MTDH: variants seen among roughly 807,000 people sequenced by gnomAD.
The protein encoded by MTDH is metadherin, also known as protein LYRIC.
A neutral mutation model predicts 72.7 loss-of-function variants in MTDH; 34 were observed. That is an observed-to-expected ratio of 0.47 (90% confidence interval 0.36 to 0.62). The LOEUF (loss-of-function observed/expected upper bound fraction) is 0.62, where lower values mean the gene tolerates loss of function less well. Ranked by LOEUF, MTDH falls within the 20% of genes least tolerant of loss-of-function variation. MTDH has a pLI of 0.00. For missense variants in MTDH, 677 were observed against 699.4 expected, an observed-to-expected ratio of 0.97 and a Z score of 0.36; for synonymous variants, 266 against 268.9, an observed-to-expected ratio of 0.99 and a Z score of 0.10.
chr8:97,678,875 T>TTAA (rs1454487873), intron 2 of MTDH, among the ~76,000 whole-genome samples: 3 of 152,186 alleles, frequency 2.0e-5, no homozygotes, highest in Non-Finnish European at 4.4e-5. Flanking sequence ...GAAAGCTTAC[T>TTAA]TAACAAGATG....
intron 5 of MTDH, among the ~76,000 whole-genome samples, chr8:97,690,596 A>G (rs1813560159): frequency 6.6e-6 from 1 of 151,948 alleles, no homozygotes; most frequent in South Asian, 2.1e-4. Flanking sequence ...TTTAATGTGC[A>G]GCCAGGTTTT....
chr8:97,726,462 G>T lies in MTDH; in HGVS notation c.*1792G>T, dbSNP rs1386978698. 1 of 152,220 alleles carries T rather than the reference G, an allele frequency of 6.6e-6. No individual in the cohort carries two copies. Among genetic ancestry groups the T allele is most frequent in the Non-Finnish European group, 1.5e-5 (1 of 68,036 alleles). The allele number at this position is 152,220 out of a possible 1,614,324, so 9.4% of individuals were successfully genotyped here. A position where few individuals can be genotyped will look rare whatever the true frequency, so the allele number is the denominator to read the frequency against. The stretch of plus-strand genomic sequence containing the variant: ...CAGCATTTTGTAAAGGTACCACAAA[G>T]GAGAAGTTGATAGGGAATCTAATTT... On this transcript the variant is annotated 3_prime_UTR_variant, in exon 12 of 12. Coordinates refer to ENST00000336273, the MANE Select transcript of MTDH (RefSeq NM_178812.4).
rs34089678 is a variant in MTDH, at chr8:97,710,534, C to CA, written c.1273-3115dup. Reference sequence around the variant, plus strand: ...GTGAACCCCGTCTCTACTAAAAATACAAAAAAAAAAAAATTTAGCTGGATG... The same window carrying CA: ...GTGAACCCCGTCTCTACTAAAAATACAAAAAAAAAAAAAATTTAGCTGGATG... On this transcript the variant is annotated intron_variant, in intron 8 of 11. Coordinates refer to ENST00000336273, the MANE Select transcript of MTDH (RefSeq NM_178812.4). 5.7e-3 allele frequency among the ~76,000 whole-genome samples: 803 copies of CA among 141,870 alleles called. 13 individuals carry two copies. The highest frequency in any genetic ancestry group is 7.6e-3 in the Non-Finnish European group (491 of 64,310). The allele number at this position is 141,870 out of a possible 152,430, so 93.1% of individuals were successfully genotyped here.
intron 2 of MTDH, among the ~76,000 whole-genome samples, chr8:97,683,531 A>G (rs1813225150): frequency 6.6e-6 from 1 of 150,852 alleles, no homozygotes; most frequent in Non-Finnish European, 1.5e-5. Flanking sequence ...AAGTAGCTGG[A>G]ACCACAGTTG....
chr8:97,689,996 T>C (rs1228060507), intron 5 of MTDH, among the ~76,000 whole-genome samples: 13 of 46,888 alleles, frequency 2.8e-4, no homozygotes, highest in Admixed American at 2.4e-3. Flanking sequence ...GGCATCAGGC[T>C]TTTTTTTTTT....
At chr8:97,697,028 A>C (rs1388219514) in intron 6 of MTDH, among the ~76,000 whole-genome samples, 1 of 148,974 alleles carries the variant, frequency 6.7e-6, no homozygotes, top group Non-Finnish European at 1.5e-5. Context: ...GGAGGATCGC[A>C]TTAGTCCAGG....
chr8:97,701,462 A>AT (rs574941139), intron 7 of MTDH, among the ~76,000 whole-genome samples: 141 of 152,042 alleles, frequency 9.3e-4, no homozygotes, highest in South Asian at 1.7e-3. Context: ...CAGTTCATTC[A>AT]TTTTTTTTCC....
At chr8:97,647,037 A>G (rs1371340350) in intron 1 of MTDH, among the ~76,000 whole-genome samples, 1 of 152,182 alleles carries the variant, frequency 6.6e-6, no homozygotes, top group East Asian at 1.9e-4. Context: ...ACCCACAGTT[A>G]TGGGGTAGCT....
intron 1 of MTDH, among the ~76,000 whole-genome samples, chr8:97,657,053 C>G (rs561553251): frequency 3.0e-4 from 45 of 152,094 alleles, no homozygotes; most frequent in Middle Eastern, 3.4e-3. Flanking sequence ...TATGTGGCCC[C>G]CTCTTACATT....
intron 10 of MTDH, among the ~76,000 whole-genome samples, chr8:97,719,999 A>T (rs955807331): frequency 6.8e-6 from 1 of 146,190 alleles, no homozygotes; most frequent in Admixed American, 6.8e-5. Context: ...CATCATATAA[A>T]TTCAGGGCTG....
chr8:97,668,632 G>A (rs1305277957), intron 2 of MTDH, among the ~76,000 whole-genome samples: 1 of 151,812 alleles, frequency 6.6e-6, no homozygotes. Flanking sequence ...TCGGCTCACT[G>A]CAACCTCTGC....
At chr8:97,722,218 G>A (rs772348915) in intron 10 of MTDH, among the ~76,000 whole-genome samples, 2 of 151,992 alleles carry the variant, frequency 1.3e-5, no homozygotes, top group Non-Finnish European at 2.9e-5. Context: ...GAGCTGTTTT[G>A]TGCCTCTGCA....
At chr8:97,723,075 A>G (rs764692599) in intron 11 of MTDH, 40 bp downstream of exon 11, 7 of 1,587,656 alleles carry the variant, frequency 4.4e-6, no homozygotes, top group Non-Finnish European at 6.0e-6. Context: ...TACTGTTTAC[A>G]TTTTTCATGT....
In MTDH at chr8:97,687,437, G is replaced by A; in HGVS notation, c.577G>A (p.Glu193Lys). Residue 193 changes from glutamate (E) to lysine (K), a missense_variant, in exon 4 of 12, where the codon GAA (glutamate) becomes AAA (lysine). This residue lies in a region of MTDH where 467 missense variants were observed against 469.1 expected (regional missense o/e 1.00). Coordinates refer to ENST00000336273, the MANE Select transcript of MTDH (RefSeq NM_178812.4). Reference protein sequence around the residue: ...DGKEVDEGAWETKISHREKRQ... With the variant: ...DGKEVDEGAWKTKISHREKRQ... The stretch of plus-strand genomic sequence containing the variant: ...TTCTGGGGCTATGTCAGGAGCCTGG[G>A]AAACTAAAATTAGTCACAGAGAGAA... The A allele has an allele frequency of 6.3e-7, 1 of 1,589,074 alleles. No individual in the cohort carries two copies. Among genetic ancestry groups the A allele is most frequent in the Non-Finnish European group, 8.6e-7 (1 of 1,168,284 alleles).
intron 2 of MTDH, among the ~76,000 whole-genome samples, chr8:97,669,156 A>C (rs1812505965): frequency 6.6e-6 from 1 of 151,918 alleles, no homozygotes; most frequent in Admixed American, 6.6e-5. Flanking sequence ...ACCACAATCT[A>C]ATTTTTTTTT....
intron 10 of MTDH, among the ~76,000 whole-genome samples, chr8:97,720,646 C>CTTTTT (rs34801268): frequency 7.9e-6 from 1 of 126,546 alleles, no homozygotes; most frequent in Non-Finnish European, 1.6e-5. Flanking sequence ...GTCTATTTGA[C>CTTTTT]TTTTTTTTTT....
intron 9 of MTDH, among the ~76,000 whole-genome samples, chr8:97,714,731 A>G (rs374326144): frequency 3.3e-5 from 5 of 152,214 alleles, no homozygotes; most frequent in South Asian, 2.1e-4. Context: ...TACTATAACT[A>G]TGTAATTAAT....
chr8:97,695,118 T>C (rs1374165193), intron 6 of MTDH, among the ~76,000 whole-genome samples: 2 of 151,760 alleles, frequency 1.3e-5, no homozygotes, highest in East Asian at 1.9e-4. Flanking sequence ...TTTTTTTTTT[T>C]TTTTCTTTAA....
At chr8:97,688,074 A>T (rs1813437509) in intron 4 of MTDH, among the ~76,000 whole-genome samples, 1 of 152,186 alleles carries the variant, frequency 6.6e-6, no homozygotes, top group South Asian at 2.1e-4. Context: ...TAGATGTTTG[A>T]TAGAGCTAGA....
Sources: allele counts gnomAD v4.1 joint callset (sites outside exome capture counted in the v4.1 genomes callset), GRCh38; gene constraint gnomAD v4.1.1; regional missense constraint gnomAD v4.1.1; transcripts MANE v1.5; gene names NCBI Gene and HGNC (gene_info 2026-07-23, HGNC 2026-07-21).